SORBS2: variants seen among roughly 807,000 people sequenced by gnomAD.
The protein encoded by SORBS2 is sorbin and SH3 domain-containing protein 2.
A neutral mutation model predicts 97.7 loss-of-function variants in SORBS2; 46 were observed. The ratio of observed to expected loss-of-function variants is 0.47; its 90% CI spans 0.37 to 0.60. The LOEUF (loss-of-function observed/expected upper bound fraction) is 0.60, where lower values mean the gene tolerates loss of function less well. Ranked by LOEUF, SORBS2 falls within the 20% of genes least tolerant of loss-of-function variation. The pLI, the probability that SORBS2 is intolerant of heterozygous loss-of-function variation, is 0.00. For synonymous variants in SORBS2, 476 were observed against 473.4 expected (o/e 1.01, Z -0.07); for missense variants, 1,316 against 1,282.3 (o/e 1.03, Z -0.40).
At chr4:185,909,582 T>G (rs1381796015) in intron 1 of SORBS2, among the ~76,000 whole-genome samples, 1 of 152,086 alleles carries the variant, frequency 6.6e-6, no homozygotes, top group Non-Finnish European at 1.5e-5. Context: ...AAAAATAAAG[T>G]CATTGCATTA....
intron 1 of SORBS2, among the ~76,000 whole-genome samples, chr4:185,797,703 C>A (rs972460581): frequency 1.3e-5 from 2 of 152,176 alleles, no homozygotes; most frequent in Non-Finnish European, 2.9e-5. Flanking sequence ...TTCCCCAAGA[C>A]CAAGTTAGCA....
chr4:185,587,904 G>A, intron 14 of SORBS2: 2 of 501,600 alleles, frequency 4.0e-6, no homozygotes, highest in Non-Finnish European at 7.1e-6. Context: ...CATAAATGCT[G>A]CGCTGCCATC....
At chr4:185,931,460 C>T (rs1038268802) in intron 1 of SORBS2, among the ~76,000 whole-genome samples, 3 of 152,214 alleles carry the variant, frequency 2.0e-5, no homozygotes, top group African/African-American at 2.4e-5. Flanking sequence ...ACTACAAGGA[C>T]GAGCGGAGAC....
rs1315385667 is a variant in SORBS2, at chr4:185,806,527, G to A, written c.-337-31161C>T. On this transcript the variant is annotated intron_variant, in intron 1 of 20. Transcript: ENST00000284776. ...GGCTGGAGTGCAGTGGCGGGATCTCGGCTCACTGCAAGCTCCTCCTCCCGG... is the reference window on the plus strand; with the variant it reads ...GGCTGGAGTGCAGTGGCGGGATCTCAGCTCACTGCAAGCTCCTCCTCCCGG... Among the ~76,000 whole-genome samples the A allele has an allele frequency of 9.8e-5, 13 of 132,200 alleles. 1 individual carries two copies. Among genetic ancestry groups the A allele is most frequent in the South Asian group, 5.3e-4 (2 of 3,806 alleles). The allele number at this position is 132,200 out of a possible 152,430, so 86.7% of individuals were successfully genotyped here.
At chr4:185,722,509 G>A (rs2098523409) in intron 2 of SORBS2, among the ~76,000 whole-genome samples, 1 of 152,174 alleles carries the variant, frequency 6.6e-6, no homozygotes, top group African/African-American at 2.4e-5. Flanking sequence ...TGTGAAAACT[G>A]TGAATATCAC....
chr4:185,931,892 C>T (rs1426404673), intron 1 of SORBS2, among the ~76,000 whole-genome samples: 1 of 151,720 alleles, frequency 6.6e-6, no homozygotes, highest in Non-Finnish European at 1.5e-5. Context: ...TCTAAGTTTA[C>T]AGGAGTTAAG....
intron 12 of SORBS2, among the ~76,000 whole-genome samples, chr4:185,595,784 A>G (rs1202885332): frequency 6.7e-6 from 1 of 149,616 alleles, no homozygotes; most frequent in South Asian, 2.1e-4. Context: ...TTTTGCTATC[A>G]TAAACAGCAA....
chr4:185,677,805 T>A (rs189926654), intron 4 of SORBS2, among the ~76,000 whole-genome samples: 6 of 152,324 alleles, frequency 3.9e-5, no homozygotes, highest in Non-Finnish European at 7.3e-5. Context: ...TGAGTGATCA[T>A]TTTCATTCCA....
chr4:185,607,106 C>T lies in SORBS2; in HGVS notation c.2796+4674G>A. On this transcript the variant is annotated intron_variant, in intron 12 of 14. Transcript: ENST00000418609. The surrounding 1 kb of genome is among the most constrained non-coding windows in gnomAD (Gnocchi z 5.2). ...AGGACAGCAGGTTCCTCCTTAATTT[C>T]CAGGATGGCGTCCTCTAGGATGGTT... 9.5e-7 allele frequency: 1 copy of T among 1,057,604 alleles called. No homozygotes were observed. The allele number at this position is 1,057,604 out of a possible 1,614,324, so 65.5% of individuals were successfully genotyped here. A position where few individuals can be genotyped will look rare whatever the true frequency, so the allele number is the denominator to read the frequency against.
chr4:185,932,002 C>CTCTCTCTA (rs1233098098), intron 1 of SORBS2, among the ~76,000 whole-genome samples: 1 of 148,572 alleles, frequency 6.7e-6, no homozygotes, highest in African/African-American at 2.5e-5. Context: ...CTCTCTCTCT[C>CTCTCTCTA]TATATATATA....
chr4:185,616,024 T>C (rs2096620897), intron 9 of SORBS2, among the ~76,000 whole-genome samples: 1 of 152,234 alleles, frequency 6.6e-6, no homozygotes, highest in Admixed American at 6.5e-5. Context: ...GGTTGGTTCA[T>C]TATTTTGCCT....
At chr4:185,873,876 A>G (rs2099231837) in intron 1 of SORBS2, among the ~76,000 whole-genome samples, 1 of 152,204 alleles carries the variant, frequency 6.6e-6, no homozygotes, top group Non-Finnish European at 1.5e-5. Context: ...TTATGCCAAT[A>G]TAAACTAAAT....
intron 4 of SORBS2, among the ~76,000 whole-genome samples, chr4:185,635,633 G>A (rs1213950373): frequency 6.6e-6 from 1 of 152,176 alleles, no homozygotes; most frequent in African/African-American, 2.4e-5. Flanking sequence ...AAATTGGCTA[G>A]TGTTCAATTA....
At chr4:185,949,276 GAA>G (rs2099276026) in intron 1 of SORBS2, among the ~76,000 whole-genome samples, 1 of 152,232 alleles carries the variant, frequency 6.6e-6, no homozygotes, top group Admixed American at 6.5e-5. Context: ...GTCAGAGAAT[GAA>G]AGTCTCTTTG....
intron 1 of SORBS2, among the ~76,000 whole-genome samples, chr4:185,900,490 T>C (rs759125202): frequency 5.3e-5 from 8 of 152,120 alleles, no homozygotes; most frequent in African/African-American, 1.9e-4. Context: ...TGAAGACTAC[T>C]AGGTTATAGA....
chr4:185,691,776 G>T (rs566109716), intron 2 of SORBS2, among the ~76,000 whole-genome samples: 1 of 151,806 alleles, frequency 6.6e-6, no homozygotes, highest in Admixed American at 6.6e-5. Context: ...GATGAGTCTC[G>T]CTCTGTCGCC....
intron 2 of SORBS2, among the ~76,000 whole-genome samples, 183 bp from the exon 4 acceptor site, chr4:185,690,794 A>G (rs2098078701): frequency 1.3e-5 from 2 of 152,174 alleles, no homozygotes; most frequent in Admixed American, 1.3e-4. Context: ...AACTTTAATT[A>G]TTGGTCCCAT....
intron 1 of SORBS2, among the ~76,000 whole-genome samples, chr4:185,948,567 G>C (rs1001921397): frequency 7.3e-6 from 1 of 137,536 alleles, no homozygotes; most frequent in Non-Finnish European, 1.5e-5. Flanking sequence ...GCCCAGGCTG[G>C]AGTGCAGTGG....
intron 1 of SORBS2, among the ~76,000 whole-genome samples, chr4:185,859,247 T>C (rs1177742569): frequency 1.3e-5 from 2 of 152,214 alleles, no homozygotes; most frequent in East Asian, 1.9e-4. Context: ...GAATGGACTG[T>C]GACTTTCTTG....
Sources: gnomAD v4.1 joint callset for allele counts (sites outside exome capture counted in the v4.1 genomes callset) on GRCh38, gnomAD v4.1.1 for gene constraint, Gnocchi (gnomAD v3.1) non-coding constraint, MANE v1.5 for transcripts, NCBI Gene and HGNC (gene_info 2026-07-23, HGNC 2026-07-21) for gene names.